The following PRKAG2 variants were observed in gnomAD, a reference collection of about 807,000 sequenced individuals.
The protein encoded by PRKAG2 is protein kinase AMP-activated non-catalytic subunit gamma 2.
A neutral mutation model predicts 69.6 loss-of-function variants in PRKAG2; 26 were observed. That is an observed-to-expected ratio of 0.37 (90% confidence interval 0.27 to 0.52). The LOEUF is 0.52. Among genes scored for constraint, PRKAG2 ranks in the 20% least tolerant of loss-of-function variants. The pLI is 0.90. For synonymous variants in PRKAG2, 293 were observed against 285.0 expected, an observed-to-expected ratio of 1.03 and a Z score of -0.28; for missense variants, 557 against 740.0, an observed-to-expected ratio of 0.75 and a Z score of 2.87.
At chr7:151,732,480 C>A (rs2429833) in intron 3 of PRKAG2, among the ~76,000 whole-genome samples, 1 of 151,974 alleles carries the variant, frequency 6.6e-6, no homozygotes, top group African/African-American at 2.4e-5. Flanking sequence ...AAGGAGAGGG[C>A]GTTGCTGAGA....
chr7:151,862,357 C>A (rs1381226762), intron 1 of PRKAG2, among the ~76,000 whole-genome samples: 2 of 152,182 alleles, frequency 1.3e-5, no homozygotes, highest in African/African-American at 2.4e-5. Flanking sequence ...ACCAACAAGA[C>A]ATGATTTGTC....
At chr7:151,675,199 G>A (rs886985206) in intron 4 of PRKAG2, 11 of 568,988 alleles carry the variant, frequency 1.9e-5, no homozygotes, top group Admixed American at 4.5e-5. Context: ...GGGACTACAG[G>A]TGTGAGCCAC....
At chr7:151,762,401 C>A (rs1436594623) in intron 3 of PRKAG2, among the ~76,000 whole-genome samples, 1 of 152,084 alleles carries the variant, frequency 6.6e-6, no homozygotes, top group Non-Finnish European at 1.5e-5. Flanking sequence ...ACGACGTATA[C>A]GTAAGCTTAA....
At chr7:151,564,629 A>T (rs77805557) in intron 13 of PRKAG2, among the ~76,000 whole-genome samples, 1 of 152,144 alleles carries the variant, frequency 6.6e-6, no homozygotes, top group African/African-American at 2.4e-5. Flanking sequence ...GACCTTCTCA[A>T]CAAGCTCCCT....
At chr7:151,733,637 C>A (rs1450953714) in intron 3 of PRKAG2, among the ~76,000 whole-genome samples, 1 of 152,048 alleles carries the variant, frequency 6.6e-6, no homozygotes, top group East Asian at 1.9e-4. Flanking sequence ...TAGTGAGTCT[C>A]CCGTCTAGGA....
chr7:151,789,992 A>G (rs2077197455), intron 1 of PRKAG2, among the ~76,000 whole-genome samples: 1 of 152,164 alleles, frequency 6.6e-6, no homozygotes, highest in South Asian at 2.1e-4. Context: ...AAACACAGCT[A>G]TGCATCCATG....
chr7:151,870,156 G>GATAGATA (rs1554621410), intron 1 of PRKAG2, among the ~76,000 whole-genome samples: 3 of 120,108 alleles, frequency 2.5e-5, no homozygotes, highest in Non-Finnish European at 5.3e-5. Context: ...TAGATAGATA[G>GATAGATA]GCAGGCAGGC....
chr7:151,645,661 G>T (rs1160069413), intron 4 of PRKAG2, among the ~76,000 whole-genome samples: 1 of 152,122 alleles, frequency 6.6e-6, no homozygotes, highest in Non-Finnish European at 1.5e-5. Flanking sequence ...TCCTTCTGTG[G>T]CTTGCCTTTT....
intron 1 of PRKAG2, among the ~76,000 whole-genome samples, chr7:151,791,914 C>A (rs7796138): frequency 0.18 from 27,560 of 152,122 alleles, 6,627 homozygotes; most frequent in African/African-American, 0.55. Context: ...GTAGGAAAGA[C>A]AAGTGGTATC....
intron 6 of PRKAG2, among the ~76,000 whole-genome samples, chr7:151,577,375 T>C (rs1476878502): frequency 6.6e-6 from 1 of 152,208 alleles, no homozygotes; most frequent in East Asian, 1.9e-4. Context: ...AGTTCAGTGC[T>C]GAAAATGATC....
In PRKAG2 at chr7:151,557,899, C is replaced by CA. The variant is rs943294744; in HGVS notation, c.1679-668dup. On this transcript the variant is annotated intron_variant, in intron 15 of 15. Transcript: ENST00000287878. ...AATAAAAAAAAAAAAAACAAAAAAA[C>CA]AAAAAAAAAACCTTTATAAATATTC... The CA allele has an allele frequency of 1.1e-3, 1,023 of 940,624 alleles. 3 individuals are homozygous for CA. The highest frequency in any genetic ancestry group is 0.01 in the African/African-American group (543 of 53,242). 58.3% of individuals were successfully genotyped at this position (940,624 alleles called of 1,614,324 possible).
chr7:151,748,368 T>A (rs532455032), intron 3 of PRKAG2, among the ~76,000 whole-genome samples: 7 of 152,054 alleles, frequency 4.6e-5, no homozygotes, highest in Admixed American at 1.3e-4. Context: ...AGAAAGGCAT[T>A]TTAGGGGGTA....
Position 151,648,444 on chromosome 7 carries a change from C to T in PRKAG2, c.685-16306G>A, listed in dbSNP as rs150193802. ...GGGAAAACTGGTGTGTGAGAACAAG[C>T]GGAGTCAGCATGAAGGGCTGGGGCA... On this transcript the variant is annotated intron_variant, in intron 4 of 15. Transcript: ENST00000287878. 3.2e-3 allele frequency among the ~76,000 whole-genome samples: 491 copies of T among 152,222 alleles called. 3 individuals carry two copies. Among genetic ancestry groups the T allele is most frequent in the African/African-American group, 0.011 (454 of 41,540 alleles).
chr7:151,765,717 C>A (rs1007149329), intron 3 of PRKAG2, among the ~76,000 whole-genome samples: 4 of 152,194 alleles, frequency 2.6e-5, no homozygotes, highest in African/African-American at 9.7e-5. Flanking sequence ...GGGGTCAGGA[C>A]TTCCACAAAC....
intron 3 of PRKAG2, among the ~76,000 whole-genome samples, chr7:151,689,660 TG>T (rs1835345741): frequency 1.3e-5 from 2 of 152,106 alleles, no homozygotes; most frequent in African/African-American, 4.8e-5. Context: ...CTGCAGCCGG[TG>T]GCAGACACTC....
intron 3 of PRKAG2, among the ~76,000 whole-genome samples, chr7:151,703,910 A>ACACACACACACACAC (rs1563476684): frequency 8.9e-5 from 12 of 135,166 alleles, no homozygotes; most frequent in South Asian, 4.6e-4. Flanking sequence ...ACACACACAC[A>ACACACACACACACAC]AATTAGCTAG....
At chr7:151,744,181 C>T (rs1001601201) in intron 3 of PRKAG2, among the ~76,000 whole-genome samples, 1 of 152,152 alleles carries the variant, frequency 6.6e-6, no homozygotes, top group Admixed American at 6.5e-5. Context: ...CCCCCAGACT[C>T]CGGTGACCCA....
In PRKAG2 at chr7:151,727,190, G is replaced by A. The variant is rs1333631647; in HGVS notation, c.467-51553C>T. ...AGATTGCGTCATTGCACTCCAGCCT[G>A]GGCAACGAGAGCAAAACTCAGTCTC... On this transcript the variant is annotated intron_variant, in intron 3 of 15. Transcript: ENST00000287878. 2.6e-5 allele frequency among the ~76,000 whole-genome samples: 4 copies of A among 151,592 alleles called. No individual in the cohort carries two copies. In the East Asian group the frequency reaches 7.8e-4, roughly 30 times the overall value.
intron 5 of PRKAG2, among the ~76,000 whole-genome samples, chr7:151,606,161 C>T (rs1014007999): frequency 5.3e-5 from 8 of 152,272 alleles, no homozygotes; most frequent in Middle Eastern, 6.8e-3. Context: ...TCCCAAACTT[C>T]TGGGATTACA....
Sources: allele counts gnomAD v4.1 joint callset (sites outside exome capture counted in the v4.1 genomes callset), GRCh38; gene constraint gnomAD v4.1.1; transcripts MANE v1.5; gene names NCBI Gene and HGNC (gene_info 2026-07-23, HGNC 2026-07-21).